PDE10A: variants seen among roughly 807,000 people sequenced by gnomAD.
PDE10A encodes the protein phosphodiesterase 10A.
Under a neutral mutation model 97.7 loss-of-function variants are expected in PDE10A, and 39 were observed. That is an observed-to-expected ratio of 0.40 (90% CI 0.31 to 0.52). PDE10A has a LOEUF of 0.52. PDE10A is among the 20% of genes least tolerant of loss of function. PDE10A has a pLI of 0.56. For missense variants in PDE10A, 731 were observed against 1,047.8 expected, an observed-to-expected ratio of 0.70 and a Z score of 4.17; for synonymous variants, 371 against 376.8, an observed-to-expected ratio of 0.98 and a Z score of 0.18.
intron 3 of PDE10A, among the ~76,000 whole-genome samples, chr6:165,451,638 A>G (rs755754166): frequency 5.3e-5 from 8 of 152,180 alleles, no homozygotes; most frequent in Admixed American, 6.5e-5. Context: ...CTAAAGGTCT[A>G]TTACTTGCTG....
intron 8 of PDE10A, among the ~76,000 whole-genome samples, chr6:165,430,886 TAAAAA>T (rs1358274327): frequency 6.6e-6 from 1 of 151,646 alleles, no homozygotes; most frequent in Non-Finnish European, 1.5e-5. Flanking sequence ...CCAAAAAAAA[TAAAAA>T]GAGAGAAGGA....
intron 3 of PDE10A, among the ~76,000 whole-genome samples, chr6:165,450,724 C>T (rs1363823132): frequency 6.6e-6 from 1 of 151,896 alleles, no homozygotes; most frequent in Non-Finnish European, 1.5e-5. Context: ...CCATGCCTGG[C>T]TAATTTTTGT....
At chr6:165,592,325 TA>T (rs1786325772) in intron 1 of PDE10A, among the ~76,000 whole-genome samples, 1 of 152,044 alleles carries the variant, frequency 6.6e-6, no homozygotes, top group African/African-American at 2.4e-5. Flanking sequence ...GACTTAAAAG[TA>T]AGACCTAAAA....
At chr6:165,772,392 C>G (rs1223207733) in intron 1 of PDE10A, among the ~76,000 whole-genome samples, 1 of 152,156 alleles carries the variant, frequency 6.6e-6, no homozygotes, top group African/African-American at 2.4e-5. Flanking sequence ...TGACACTTTC[C>G]CTCCTCCTTC....
At chr6:165,959,872 G>T in intron 1 of PDE10A, among the ~76,000 whole-genome samples, 1 of 152,084 alleles carries the variant, frequency 6.6e-6, no homozygotes, top group East Asian at 1.9e-4. Context: ...CAAACACCAT[G>T]ACCTCTCCCC....
chr6:165,634,214 G>A (rs949272320), intron 1 of PDE10A, among the ~76,000 whole-genome samples: 1 of 152,160 alleles, frequency 6.6e-6, no homozygotes, highest in Non-Finnish European at 1.5e-5. Flanking sequence ...TGCAGGGTTT[G>A]TGGAATGCAT....
At chr6:165,525,269 G>A (rs1782369322) in intron 2 of PDE10A, among the ~76,000 whole-genome samples, 4 of 152,128 alleles carry the variant, frequency 2.6e-5, no homozygotes, top group Non-Finnish European at 1.5e-5. Flanking sequence ...GGATAATGGT[G>A]GAAGAAACAT....
At chr6:165,571,532 C>T (rs1785049337) in intron 1 of PDE10A, among the ~76,000 whole-genome samples, 1 of 152,158 alleles carries the variant, frequency 6.6e-6, no homozygotes, top group South Asian at 2.1e-4. Flanking sequence ...TGAGACAGGC[C>T]AGAGTTCCTA....
At chr6:165,406,095 TTAGTTATC>T (rs1164339860) in intron 13 of PDE10A, among the ~76,000 whole-genome samples, 2 of 152,194 alleles carry the variant, frequency 1.3e-5, no homozygotes, top group Non-Finnish European at 2.9e-5. Flanking sequence ...TCGGCTGAAA[TTAGTTATC>T]TATAAACTTG....
intron 2 of PDE10A, among the ~76,000 whole-genome samples, chr6:165,482,998 G>A (rs1342856591): frequency 6.6e-6 from 1 of 152,184 alleles, no homozygotes; most frequent in Non-Finnish European, 1.5e-5. Context: ...GCAAGAAGAT[G>A]CCTGTGTGAC....
At chr6:165,394,060 TTTATTATTATTA>T (rs71026685) in intron 15 of PDE10A, among the ~76,000 whole-genome samples, 1 of 150,852 alleles carries the variant, frequency 6.6e-6, no homozygotes, top group Non-Finnish European at 1.5e-5. Context: ...GTTCTAAACA[TTTATTATTATTA>T]TTATTATTAT....
chr6:165,531,870 A>T (rs1782799244), intron 2 of PDE10A, among the ~76,000 whole-genome samples: 1 of 152,226 alleles, frequency 6.6e-6, no homozygotes, highest in South Asian at 2.1e-4. Context: ...TGAAATGGGA[A>T]TTAAAAGACA....
intron 1 of PDE10A, among the ~76,000 whole-genome samples, chr6:165,755,073 C>T (rs1218084614): frequency 1.3e-5 from 2 of 152,004 alleles, no homozygotes; most frequent in Non-Finnish European, 2.9e-5. Context: ...TGGAGAGGGA[C>T]ACACTCTTAA....
At chr6:165,484,676 GA>G (rs1469769317) in intron 2 of PDE10A, among the ~76,000 whole-genome samples, 2 of 152,212 alleles carry the variant, frequency 1.3e-5, no homozygotes, top group African/African-American at 4.8e-5. Flanking sequence ...CTCTATCAGT[GA>G]GGGGCAAGTG....
chr6:165,809,150 G>A (rs1484464305), intron 1 of PDE10A, among the ~76,000 whole-genome samples: 1 of 152,206 alleles, frequency 6.6e-6, no homozygotes, highest in East Asian at 1.9e-4. Flanking sequence ...GTTCTCTGAG[G>A]CCCTGGGACC....
At chr6:165,756,510 G>T (rs1793120417) in intron 1 of PDE10A, among the ~76,000 whole-genome samples, 1 of 151,942 alleles carries the variant, frequency 6.6e-6, no homozygotes, top group South Asian at 2.1e-4. Context: ...CTATTATATT[G>T]CTGTTTTGAA....
At chr6:165,362,756 C>T (rs934674614) in intron 18 of PDE10A, among the ~76,000 whole-genome samples, 1 of 151,974 alleles carries the variant, frequency 6.6e-6, no homozygotes, top group Non-Finnish European at 1.5e-5. Context: ...AGACAAATAC[C>T]ACAAAAAAGA....
At chr6:165,565,112 A>G (rs1784711886) in intron 1 of PDE10A, among the ~76,000 whole-genome samples, 1 of 152,356 alleles carries the variant, frequency 6.6e-6, no homozygotes, top group African/African-American at 2.4e-5. Context: ...TAATGCAATA[A>G]GACAAGAATA....
chr6:165,786,400 C>A (rs1352813859), intron 1 of PDE10A, among the ~76,000 whole-genome samples: 1 of 152,186 alleles, frequency 6.6e-6, no homozygotes, highest in African/African-American at 2.4e-5. Flanking sequence ...CACCAACATT[C>A]TTTTCCAAAA....
Sources: allele counts gnomAD v4.1 joint callset (sites outside exome capture counted in the v4.1 genomes callset), GRCh38; gene constraint gnomAD v4.1.1; transcripts MANE v1.5; gene names NCBI Gene and HGNC (gene_info 2026-07-23, HGNC 2026-07-21).